ARAP2: variants seen among roughly 807,000 people sequenced by gnomAD.
The protein encoded by ARAP2 is arf-GAP with Rho-GAP domain, ANK repeat and PH domain-containing protein 2.
Under a neutral mutation model 194.5 loss-of-function variants are expected in ARAP2, and 148 were observed. That is an observed-to-expected ratio of 0.76 (90% CI 0.67 to 0.87). The LOEUF is 0.87. Ranked by LOEUF, ARAP2 falls within the 40% of genes least tolerant of loss-of-function variation. The pLI is 0.00. For missense variants in ARAP2, 2,128 were observed against 1,989.7 expected, an observed-to-expected ratio of 1.07 and a Z score of -1.32; for synonymous variants, 695 against 683.5, an observed-to-expected ratio of 1.02 and a Z score of -0.26.
intron 27 of ARAP2, among the ~76,000 whole-genome samples, chr4:36,096,146 C>G (rs1412456578): frequency 6.6e-6 from 1 of 151,756 alleles, no homozygotes; most frequent in East Asian, 1.9e-4. Flanking sequence ...GGTGGATCAT[C>G]TGAGGTCAAG....
chr4:36,221,782 TTATC>T (rs1395568541), intron 2 of ARAP2, among the ~76,000 whole-genome samples: 1 of 152,132 alleles, frequency 6.6e-6, no homozygotes, highest in Non-Finnish European at 1.5e-5. Context: ...ACATTTTCAT[TTATC>T]TATTAATAAA....
At chr4:36,028,885 C>T (rs1718427473) in intron 5 of ARAP2, among the ~76,000 whole-genome samples, 1 of 151,852 alleles carries the variant, frequency 6.6e-6, no homozygotes, top group Admixed American at 6.6e-5. Flanking sequence ...TTTTTCCTCA[C>T]AGATGAAAGG....
intron 27 of ARAP2, among the ~76,000 whole-genome samples, chr4:36,107,072 T>C (rs923978589): frequency 1.3e-5 from 2 of 152,004 alleles, no homozygotes; most frequent in African/African-American, 4.8e-5. Flanking sequence ...ATGAGCACTA[T>C]CTCCTTCCAG....
At chr4:36,063,397 C>G (rs1468935060), downstream of ARAP2, among the ~76,000 whole-genome samples, 1 of 150,868 alleles carries the variant, frequency 6.6e-6, no homozygotes, top group South Asian at 2.1e-4. Flanking sequence ...ACATGACACA[C>G]GTATACCTAT....
At chr4:36,051,681 T>C (rs1224859715) in intron 3 of ARAP2, among the ~76,000 whole-genome samples, 6 of 152,228 alleles carry the variant, frequency 3.9e-5, no homozygotes, top group African/African-American at 7.2e-5. Context: ...CTTTCTTGCA[T>C]ACTCTTTTAG....
chr4:36,111,885 T>C (rs1004169077), intron 26 of ARAP2, among the ~76,000 whole-genome samples: 1 of 151,996 alleles, frequency 6.6e-6, no homozygotes, highest in Non-Finnish European at 1.5e-5. Flanking sequence ...TACTTTAGTG[T>C]ACTCAAACTT....
intron 1 of ARAP2, among the ~76,000 whole-genome samples, chr4:36,229,862 A>C (rs142366130): frequency 6.6e-6 from 1 of 152,342 alleles, no homozygotes; most frequent in East Asian, 1.9e-4. Flanking sequence ...ATGACTTTCA[A>C]AAAGGTGAAA....
intron 4 of ARAP2, 27 bp from the exon 5 acceptor site, chr4:36,212,514 A>C: frequency 1.3e-6 from 2 of 1,551,728 alleles, no homozygotes; most frequent in Non-Finnish European, 1.8e-6. Context: ...CAAACAAAAA[A>C]CACATACTGT....
chr4:36,092,080 T>G, intron 27 of ARAP2, 60 bp from the exon 28 acceptor site: 1 of 1,451,690 alleles, frequency 6.9e-7, no homozygotes, highest in Non-Finnish European at 9.2e-7. Flanking sequence ...TGAAATACAA[T>G]ACAAAACATT....
intron 19 of ARAP2, among the ~76,000 whole-genome samples, chr4:36,137,707 C>T (rs1322565202): frequency 6.6e-6 from 1 of 151,668 alleles, no homozygotes; most frequent in Admixed American, 6.6e-5. Flanking sequence ...GGTATCAGAA[C>T]TAGGTAGGAA....
chr4:36,244,755 C>T (rs1270096334), upstream of ARAP2, among the ~76,000 whole-genome samples: 2 of 152,190 alleles, frequency 1.3e-5, no homozygotes, highest in Non-Finnish European at 2.9e-5. Context: ...GCATTACCCA[C>T]CTTCCCGGGA....
At chr4:36,072,448 A>AT in intron 32 of ARAP2, among the ~76,000 whole-genome samples, 1 of 152,216 alleles carries the variant, frequency 6.6e-6, no homozygotes, top group Middle Eastern at 3.4e-3. Flanking sequence ...TGGTTAATGT[A>AT]TTTTGATCCC....
intron 9 of ARAP2, among the ~76,000 whole-genome samples, chr4:36,174,209 A>G (rs781039132): frequency 1.3e-5 from 2 of 152,038 alleles, no homozygotes; most frequent in African/African-American, 2.4e-5. Flanking sequence ...AAACCCAATT[A>G]CACAGCTCAT....
chr4:36,172,971 A>G (rs1736987467), intron 9 of ARAP2, among the ~76,000 whole-genome samples: 1 of 152,158 alleles, frequency 6.6e-6, no homozygotes, highest in African/African-American at 2.4e-5. Flanking sequence ...TTTCACTCCC[A>G]TGCCAGAACA....
intron 5 of ARAP2, among the ~76,000 whole-genome samples, chr4:36,211,736 T>C (rs904513727): frequency 7.2e-5 from 11 of 152,142 alleles, no homozygotes; most frequent in African/African-American, 2.7e-4. Flanking sequence ...GAGGAATGCT[T>C]TGGGGGATGA....
intron 2 of ARAP2, among the ~76,000 whole-genome samples, chr4:36,216,648 G>GA (rs1031313263): frequency 4.0e-5 from 6 of 151,360 alleles, no homozygotes; most frequent in Admixed American, 3.3e-4. Context: ...TCAAAAACTT[G>GA]AAAAAACCCA....
chr4:36,188,491 A>T (rs1223107700), intron 7 of ARAP2, among the ~76,000 whole-genome samples: 1 of 152,126 alleles, frequency 6.6e-6, no homozygotes, highest in Non-Finnish European at 1.5e-5. Context: ...CTTTTAAAAA[A>T]CCTTAATTTT....
intron 7 of ARAP2, among the ~76,000 whole-genome samples, chr4:36,192,024 C>A (rs1742011841): frequency 6.6e-6 from 1 of 152,100 alleles, no homozygotes. Context: ...CATTAAAAGA[C>A]CCAACTGTTC....
chr4:36,109,915 A>T (rs1186639781), intron 26 of ARAP2, among the ~76,000 whole-genome samples: 1 of 143,550 alleles, frequency 7.0e-6, no homozygotes, highest in Admixed American at 7.5e-5. Flanking sequence ...GATCCCAATA[A>T]CGGTTGCCAT....
Sources: gnomAD v4.1 joint callset for allele counts (sites outside exome capture counted in the v4.1 genomes callset) on GRCh38, gnomAD v4.1.1 for gene constraint, MANE v1.5 for transcripts, NCBI Gene and HGNC (gene_info 2026-07-23, HGNC 2026-07-21) for gene names.